Variants in TRIP12 observed in about 807,000 individuals in gnomAD.
TRIP12 encodes thyroid hormone receptor interactor 12.
Under a neutral mutation model 244.2 loss-of-function variants are expected in TRIP12, and 25 were observed. The observed-to-expected ratio is 0.10, with a 90% CI of 0.07 to 0.14. The LOEUF (loss-of-function observed/expected upper bound fraction) is 0.14. TRIP12 is among the 10% of genes least tolerant of loss of function. The probability of loss-of-function intolerance (pLI) is 1.00; values close to 1 mark genes in which losing one functional copy is unlikely to be tolerated. For missense variants in TRIP12, 1,677 were observed against 2,486.4 expected (o/e 0.67, Z 6.92); for synonymous variants, 905 against 873.1 (o/e 1.04, Z -0.64).
rs1235254516 is a variant in TRIP12, at chr2:229,794,540, TG to T, written c.3968+638del. ...ATGTTCACACTAGTGTAATTTGGCT[TG>T]GGCAACAAAGTAAGACTCTGTCCCA... On this transcript the variant is annotated intron_variant, in intron 26 of 41. Coordinates refer to ENST00000675903, the MANE Select transcript of TRIP12 (RefSeq NM_001348323.3). 3.3e-5 allele frequency among the ~76,000 whole-genome samples: 5 copies of T among 152,000 alleles called. No individual in the cohort carries two copies. In the East Asian group the frequency reaches 9.7e-4, roughly 29 times the overall value.
rs943029425 is a variant in TRIP12 at position 229,840,736 on chromosome 2, C to T, written c.1133+86G>A. The T allele has an allele frequency of 4.3e-6, 4 of 933,888 alleles. No individual in the cohort carries two copies. In the African/African-American group the frequency reaches 6.9e-5, roughly 16 times the overall value. 57.9% of individuals were successfully genotyped at this position (933,888 alleles called of 1,614,324 possible). ...ACAAAACAAACAAAACAAAAAACAA[C>T]CTATGGAGTTAAGTATTTTGATGAA... On this transcript the variant is annotated intron_variant, in intron 5 of 41. Transcript: ENST00000675903.
At position 229,778,307 on chromosome 2, in the gene TRIP12, A is replaced by G. The variant is rs1574840828; in HGVS notation, c.5364+126T>C. ...GCATTTTTAACAAAATCCCCAAGTA[A>G]TTCATATGTGTATTGAAGTTTGAGA... is the stretch of plus-strand genomic sequence containing the variant. On this transcript the variant is annotated intron_variant, in intron 36 of 41. Transcript: ENST00000675903. This position sits in a 1 kb window ranked among gnomAD's most constrained non-coding sequence, Gnocchi z 4.1. The G allele has an allele frequency of 6.5e-6, 8 of 1,225,490 alleles. No individual in the cohort carries two copies. The South Asian group carries it at 1.1e-4, about 16-fold the overall frequency. 75.9% of individuals were successfully genotyped at this position (1,225,490 alleles called of 1,614,324 possible).
At chr2:229,861,402 A>C (rs149571673) in intron 2 of TRIP12, among the ~76,000 whole-genome samples, 1 of 152,234 alleles carries the variant, frequency 6.6e-6, no homozygotes, top group East Asian at 1.9e-4. Flanking sequence ...AACTGCTGCC[A>C]TTCGGGTGAG....
chr2:229,826,746 G>A (rs551491822), intron 8 of TRIP12, among the ~76,000 whole-genome samples: 7 of 152,140 alleles, frequency 4.6e-5, no homozygotes, highest in South Asian at 2.1e-4. Context: ...GTTGTAATGC[G>A]TATTTGTATA....
intron 21 of TRIP12, among the ~76,000 whole-genome samples, chr2:229,801,400 C>A (rs1044496342): frequency 6.6e-6 from 1 of 152,292 alleles, no homozygotes; most frequent in East Asian, 1.9e-4. Flanking sequence ...TGGCTGCCTG[C>A]ACAAGACAAT....
At position 229,808,254 on chromosome 2, in the gene TRIP12, A is replaced by G. The variant is rs747272229; in HGVS notation, c.2337T>C (p.Ile779=). ...PQELYELTSL[I]CELMPCLPKE... is the part of the protein sequence containing the mutation. ...GTGATATTTAGCCCAATCTTTACCA[A>G]ATCAGAGATGTCAGTTCATACAACT... Residue 779 remains isoleucine (I), a splice_region_variant and synonymous_variant, in exon 16 of 42, where the codon ATT becomes ATC. Transcript: ENST00000675903. The G allele has an allele frequency of 5.6e-6, 9 of 1,609,170 alleles. No individual in the cohort carries two copies. In the South Asian group the frequency reaches 9.9e-5, roughly 18 times the overall value.
chr2:229,787,463 TG>T, intron 33 of TRIP12, 41 bp downstream of exon 33: 1 of 1,575,320 alleles, frequency 6.3e-7, no homozygotes, highest in Non-Finnish European at 8.6e-7. Context: ...CCCATTATTT[TG>T]AAAAGCTCAG....
chr2:229,800,861 C>T (rs951059699), intron 21 of TRIP12, among the ~76,000 whole-genome samples: 3 of 151,752 alleles, frequency 2.0e-5, no homozygotes, highest in Admixed American at 1.3e-4. Flanking sequence ...CCCGGGAGTT[C>T]GAGGTTAGCC....
chr2:229,772,334 T>C (rs1387465089), intron 38 of TRIP12, among the ~76,000 whole-genome samples: 1 of 152,204 alleles, frequency 6.6e-6, no homozygotes, highest in Non-Finnish European at 1.5e-5. Context: ...GTTAACTCAT[T>C]ATTTGCTAGT....
rs773709058 is a variant in TRIP12, at chr2:229,785,984, GT to G, written c.4996-130del. 3.9e-4 allele frequency: 288 copies of G among 733,948 alleles called. 1 individual carries two copies. The highest frequency in any genetic ancestry group is 5.6e-4 in the Non-Finnish European group (274 of 489,920). The allele number at this position is 733,948 out of a possible 1,614,324, so 45.5% of individuals were successfully genotyped here. A position where few individuals can be genotyped will look rare whatever the true frequency, so the allele number is the denominator to read the frequency against. Reference sequence around the variant, plus strand: ...TGTTAACACTTATTTCCTTAAACAGGTAACTCAGAAAAGGTTAAGAGGTAGC... The same window carrying G: ...TGTTAACACTTATTTCCTTAAACAGGAACTCAGAAAAGGTTAAGAGGTAGC... On this transcript the variant is annotated intron_variant, in intron 33 of 41. Transcript: ENST00000675903.
chr2:229,771,698 G>A (rs890463918), intron 38 of TRIP12, 66 bp from the exon 39 acceptor site: 34 of 1,194,614 alleles, frequency 2.8e-5, no homozygotes, highest in Non-Finnish European at 4.1e-5. Context: ...TTAATATGTG[G>A]CAAAGTACAG....
intron 25 of TRIP12, 35 bp downstream of exon 25, chr2:229,796,556 C>T (rs770166780): frequency 6.6e-7 from 1 of 1,519,710 alleles, no homozygotes; most frequent in Non-Finnish European, 8.8e-7. Flanking sequence ...AGCACTGATT[C>T]TTAAAAGATA....
Position 229,795,159 on chromosome 2 carries a change from A to G in TRIP12, c.3968+20T>C, listed in dbSNP as rs2042507615. On this transcript the variant is annotated intron_variant, in intron 26 of 41. Coordinates refer to ENST00000675903, the MANE Select transcript of TRIP12 (RefSeq NM_001348323.3). ...TACCAAATTCCAGTGGCAAGGGTAT[A>G]GCCAGGCAATGGTCCTTACCTGCCT... The G allele has an allele frequency of 1.2e-6, 2 of 1,610,568 alleles. No individual in the cohort carries two copies. The highest frequency in any genetic ancestry group is 1.7e-6 in the Non-Finnish European group (2 of 1,178,226).
chr2:229,859,048 C>T lies in TRIP12; in HGVS notation c.751G>A (p.Val251Ile), dbSNP rs1268044773. 1 of 1,614,086 alleles carries T rather than the reference C, an allele frequency of 6.2e-7. No homozygotes were observed. The highest frequency in any genetic ancestry group is 8.5e-7 in the Non-Finnish European group (1 of 1,180,050). Residue 251 changes from valine to isoleucine, a missense_variant, in exon 4 of 42, where the codon GTA (valine) becomes ATA (isoleucine). Coordinates refer to ENST00000675903, the MANE Select transcript of TRIP12 (RefSeq NM_001348323.3). ...AASTSSSSSAVASASSTVPPG... is the reference protein window; with the variant it reads ...AASTSSSSSAIASASSTVPPG... ...GGTACAGTGGAGGAGGCCGAGGCTACAGCAGAAGACGAGGAGGAAGTAGAG... is the reference window on the plus strand; with the variant it reads ...GGTACAGTGGAGGAGGCCGAGGCTATAGCAGAAGACGAGGAGGAAGTAGAG...
At chr2:229,877,212 C>T (rs1277575414) in intron 2 of TRIP12, among the ~76,000 whole-genome samples, 2 of 151,754 alleles carry the variant, frequency 1.3e-5, no homozygotes, top group Non-Finnish European at 2.9e-5. Context: ...TAGACTCTGT[C>T]TCTAAAAATA....
In TRIP12 at chr2:229,791,260, A is replaced by G; in HGVS notation, c.4416-9T>C. On this transcript the variant is annotated splice_polypyrimidine_tract_variant and intron_variant, in intron 29 of 41. Transcript: ENST00000675903. ...CTCTCACAGGTTTATACCTAAAATG[A>G]CAAGACAGTATATAAACCAAATGTA... The G allele has an allele frequency of 6.2e-7, 1 of 1,613,884 alleles. No individual in the cohort carries two copies. Among genetic ancestry groups the G allele is most frequent in the Non-Finnish European group, 8.5e-7 (1 of 1,179,888 alleles).
Position 229,789,603 on chromosome 2 carries a change from T to A in TRIP12, c.4695+8A>T. The A allele has an allele frequency of 1.9e-6, 3 of 1,611,882 alleles. No individual in the cohort carries two copies. Among genetic ancestry groups the A allele is most frequent in the Non-Finnish European group, 2.5e-6 (3 of 1,178,908 alleles). ...ATGAAAACTTCATAAATAGGCAACA[T>A]TACTCACATCATACAAGTAATACCA... On this transcript the variant is annotated splice_region_variant and intron_variant, in intron 31 of 41. Transcript: ENST00000675903.
Position 229,911,958 on chromosome 2 carries a change from A to G in TRIP12, c.-50+9922T>C, listed in dbSNP as rs372893024. Among the ~76,000 whole-genome samples, 3 of 152,218 alleles carry G rather than the reference A, an allele frequency of 2.0e-5. No homozygotes were observed. In the East Asian group the frequency reaches 5.8e-4, roughly 29 times the overall value. On this transcript the variant is annotated intron_variant, in intron 1 of 41. Coordinates refer to ENST00000675903, the MANE Select transcript of TRIP12 (RefSeq NM_001348323.3). The stretch of plus-strand genomic sequence containing the variant: ...AATTTCACTGTATTGAACGCTAAGC[A>G]AAAGTTTCCCTATATAAGACTTACA...
chr2:229,844,176 T>C (rs1260702710), intron 4 of TRIP12, among the ~76,000 whole-genome samples: 1 of 152,204 alleles, frequency 6.6e-6, no homozygotes, highest in Non-Finnish European at 1.5e-5. Flanking sequence ...TTAAGATGCT[T>C]TGGGGTACTT....
Sources: allele counts gnomAD v4.1 joint callset (sites outside exome capture counted in the v4.1 genomes callset), GRCh38; gene constraint gnomAD v4.1.1; non-coding constraint Gnocchi (gnomAD v3.1); transcripts MANE v1.5; gene names NCBI Gene and HGNC (gene_info 2026-07-23, HGNC 2026-07-21).